Variants in ARB2A observed in about 807,000 individuals in gnomAD.
The protein encoded by ARB2A is cotranscriptional regulator ARB2A.
At chr5:93,765,612 C>A in the ARB2A span, among the ~76,000 whole-genome samples, 1 of 152,122 alleles carries the variant, frequency 6.6e-6, no homozygotes, top group Non-Finnish European at 1.5e-5. Context: ...TGAAAATGGC[C>A]ATACAGCCCA....
chr5:93,743,570 T>C, the ARB2A span: 22 of 984,992 alleles, frequency 2.2e-5, no homozygotes, highest in African/African-American at 3.5e-4. Context: ...AAGCAATCAG[T>C]ATCTGCCAAA....
the ARB2A span, among the ~76,000 whole-genome samples, chr5:94,043,152 GA>G: frequency 6.6e-6 from 1 of 151,576 alleles, no homozygotes; most frequent in East Asian, 1.9e-4. Flanking sequence ...CAGAATAGAG[GA>G]AAAAAAACTT....
chr5:94,076,646 C>A, the ARB2A span, among the ~76,000 whole-genome samples: 2 of 152,208 alleles, frequency 1.3e-5, no homozygotes, highest in African/African-American at 2.4e-5. Flanking sequence ...TGAAGTCCCA[C>A]ATGATAGTGC....
the ARB2A span, among the ~76,000 whole-genome samples, chr5:93,676,241 T>C: frequency 6.6e-6 from 1 of 152,122 alleles, no homozygotes; most frequent in South Asian, 2.1e-4. Context: ...AAAAAAAAAA[T>C]GCTGTGTGAC....
the ARB2A span, among the ~76,000 whole-genome samples, chr5:93,680,865 G>C: frequency 1.3e-5 from 2 of 152,076 alleles, no homozygotes; most frequent in African/African-American, 4.8e-5. Context: ...ATGAAGTTTT[G>C]AGTTTTATCT....
the ARB2A span, among the ~76,000 whole-genome samples, chr5:93,949,777 C>A: frequency 1.8e-4 from 28 of 152,162 alleles, no homozygotes; most frequent in African/African-American, 6.3e-4. Context: ...CATTAACTAT[C>A]CTCCCTCCCC....
At chr5:93,836,059 G>C in the ARB2A span, among the ~76,000 whole-genome samples, 1 of 151,994 alleles carries the variant, frequency 6.6e-6, no homozygotes, top group African/African-American at 2.4e-5. Flanking sequence ...ACGGAGTCTC[G>C]CTCTGTCGCC....
the ARB2A span, among the ~76,000 whole-genome samples, chr5:93,767,317 C>A: frequency 6.6e-6 from 1 of 152,192 alleles, no homozygotes; most frequent in Admixed American, 6.5e-5. Flanking sequence ...AAATGCAAAT[C>A]AAAACCACAA....
the ARB2A span, among the ~76,000 whole-genome samples, chr5:93,621,693 G>C: frequency 1.3e-5 from 2 of 152,212 alleles, no homozygotes; most frequent in African/African-American, 4.8e-5. Flanking sequence ...GATTTTTCTT[G>C]CGTCTCCCGG....
chr5:93,693,792 A>G, the ARB2A span, among the ~76,000 whole-genome samples: 1 of 152,214 alleles, frequency 6.6e-6, no homozygotes, highest in South Asian at 2.1e-4. Flanking sequence ...AAAATCTTCA[A>G]TAAAATACTG....
chr5:93,949,509 C>T, the ARB2A span, among the ~76,000 whole-genome samples: 2 of 151,808 alleles, frequency 1.3e-5, no homozygotes, highest in African/African-American at 4.8e-5. Context: ...TGCAGTGAGC[C>T]GAGATCACGC....
chr5:94,087,656 C>T, the ARB2A span, among the ~76,000 whole-genome samples: 2 of 152,190 alleles, frequency 1.3e-5, no homozygotes, highest in East Asian at 1.9e-4. Context: ...TCACCACTCA[C>T]TTACTCACTC....
chr5:93,703,959 C>T, the ARB2A span, among the ~76,000 whole-genome samples: 4 of 152,154 alleles, frequency 2.6e-5, no homozygotes, highest in East Asian at 1.9e-4. Flanking sequence ...GTCTATCTGT[C>T]GCTCTGGAGT....
At chr5:93,757,628 C>T in the ARB2A span, among the ~76,000 whole-genome samples, 2 of 152,126 alleles carry the variant, frequency 1.3e-5, no homozygotes, top group Non-Finnish European at 2.9e-5. Context: ...TCCAGTGAAA[C>T]TAAGCATCAC....
At chr5:93,842,700 G>A in the ARB2A span, among the ~76,000 whole-genome samples, 1 of 152,174 alleles carries the variant, frequency 6.6e-6, no homozygotes, top group African/African-American at 2.4e-5. Flanking sequence ...ATCCTCCAAA[G>A]CATAGGGACA....
the ARB2A span, chr5:94,050,782 G>A: frequency 1.9e-6 from 3 of 1,612,874 alleles, no homozygotes; most frequent in Non-Finnish European, 2.5e-6. Flanking sequence ...AATCTTCCCG[G>A]TAGTTAAAAA....
At chr5:93,949,056 T>C in the ARB2A span, among the ~76,000 whole-genome samples, 1 of 152,158 alleles carries the variant, frequency 6.6e-6, no homozygotes, top group East Asian at 1.9e-4. Flanking sequence ...TGGGTTCATA[T>C]CTTACTAGCT....
At chr5:93,787,792 T>C in the ARB2A span, among the ~76,000 whole-genome samples, 1 of 152,216 alleles carries the variant, frequency 6.6e-6, no homozygotes, top group African/African-American at 2.4e-5. Flanking sequence ...TCCAGATCAG[T>C]AAGGAATGTT....
chr5:93,793,386 C>T, the ARB2A span, among the ~76,000 whole-genome samples: 3 of 151,656 alleles, frequency 2.0e-5, no homozygotes, highest in Non-Finnish European at 4.4e-5. Flanking sequence ...AGGCAGCCTA[C>T]ATCTTTTAAC....
Sources: gnomAD v4.1 joint callset for allele counts (sites outside exome capture counted in the v4.1 genomes callset) on GRCh38, gnomAD v4.1.1 for gene constraint, MANE v1.5 for transcripts, NCBI Gene and HGNC (gene_info 2026-07-23, HGNC 2026-07-21) for gene names.